SEPTIN3: variants seen among roughly 807,000 people sequenced by gnomAD.
The protein encoded by SEPTIN3 is neuronal-specific septin-3.
In SEPTIN3, 15 loss-of-function variants were observed where a neutral mutation model predicts 45.1. The observed-to-expected ratio is 0.33, with a 90% CI of 0.22 to 0.51. The LOEUF (loss-of-function observed/expected upper bound fraction) is 0.51, where lower values mean the gene tolerates loss of function less well. Ranked by LOEUF, SEPTIN3 falls within the 20% of genes least tolerant of loss-of-function variation. The pLI, the probability that SEPTIN3 is intolerant of heterozygous loss-of-function variation, is 0.97. For missense variants in SEPTIN3, 289 were observed against 457.2 expected, an observed-to-expected ratio of 0.63 and a Z score of 3.35; for synonymous variants, 148 against 164.8, an observed-to-expected ratio of 0.90 and a Z score of 0.78.
intron 11 of SEPTIN3, chr22:41,996,679 A>AC (rs2078445391): frequency 2.1e-6 from 3 of 1,404,614 alleles, no homozygotes; most frequent in Non-Finnish European, 2.8e-6. Flanking sequence ...ATACATTTCA[A>AC]CAGAACAGGG....
intron 1 of SEPTIN3, among the ~76,000 whole-genome samples, 172 bp downstream of exon 1, chr22:41,969,849 G>A (rs1006224659): frequency 6.6e-6 from 1 of 152,056 alleles, no homozygotes; most frequent in Non-Finnish European, 1.5e-5. Flanking sequence ...GTGTGTGGGT[G>A]TGCACACTGA....
intron 3 of SEPTIN3, 85 bp from the exon 4 acceptor site, chr22:41,985,899 T>C: frequency 6.8e-7 from 1 of 1,470,902 alleles, no homozygotes; most frequent in Non-Finnish European, 9.1e-7. Flanking sequence ...ATCATGGCTC[T>C]AGAATTCTGT....
At position 41,974,860 on chromosome 22, in the gene SEPTIN3, G is replaced by GAA. The variant is rs55642127; in HGVS notation, c.1504+1891_1504+1892dup. Among the ~76,000 whole-genome samples the GAA allele has an allele frequency of 7.8e-4, 58 of 74,288 alleles. 4 individuals carry two copies. The East Asian group carries it at 9.9e-3, about 13-fold the overall frequency. The allele number at this position is 74,288 out of a possible 152,430, so 48.7% of individuals were successfully genotyped here. ...ACAGAGCGAGACTCTGTCTCAAAAA[G>GAA]AAAAAAAAAAAAAAAAAAAAAAAAA... On this transcript the variant is annotated intron_variant, in intron 2 of 11. Transcript: ENST00000644076.
intron 6 of SEPTIN3, 131 bp from the exon 7 acceptor site, chr22:41,989,436 G>T: frequency 4.4e-6 from 3 of 679,256 alleles, no homozygotes; most frequent in Non-Finnish European, 5.5e-6. Context: ...GAGACGAGAG[G>T]TAGCAGCCTC....
In SEPTIN3 at chr22:41,972,617, C is replaced by T. The variant is rs986547526; in HGVS notation, c.1125C>T (p.Thr375=). The T allele has an allele frequency of 3.0e-5, 12 of 399,026 alleles. No homozygotes were observed. The highest frequency in any genetic ancestry group is 2.3e-4 in the African/African-American group (11 of 48,640). 24.7% of individuals were successfully genotyped at this position (399,026 alleles called of 1,614,324 possible). The change falls in exon 2 of 12, where the codon ACC becomes ACT. Residue 375 remains threonine, a synonymous_variant. Coordinates refer to ENST00000644076, the MANE Select transcript of SEPTIN3 (RefSeq NM_001363845.2). ...GAAGCACAGCCAAACCAGATATGAC[C>T]ACAGAGGGTATAGCCATGGATTCAG... ...ATRSTAKPDM[T]TEGIAMDSAT... is the part of the protein sequence containing the mutation.
chr22:41,987,387 A>C, intron 5 of SEPTIN3, 100 bp downstream of exon 5: 1 of 1,211,732 alleles, frequency 8.3e-7, no homozygotes, highest in Non-Finnish European at 1.2e-6. Flanking sequence ...TGCACCCTCC[A>C]TGCTCTGTAG....
chr22:41,988,828 C>T (rs1188521824), intron 6 of SEPTIN3, among the ~76,000 whole-genome samples: 1 of 152,064 alleles, frequency 6.6e-6, no homozygotes, highest in Non-Finnish European at 1.5e-5. Flanking sequence ...GTCTGATAGG[C>T]AGAACAAGAT....
intron 9 of SEPTIN3, among the ~76,000 whole-genome samples, chr22:41,993,101 A>T (rs2078347522): frequency 6.6e-6 from 1 of 152,184 alleles, no homozygotes; most frequent in Admixed American, 6.5e-5. Flanking sequence ...AGGTGTTGCC[A>T]TTTCCATTTT....
chr22:41,987,616 C>G lies in SEPTIN3; in HGVS notation c.1908-6C>G. On this transcript the variant is annotated splice_polypyrimidine_tract_variant and splice_region_variant and intron_variant, in intron 5 of 11. Transcript: ENST00000644076. ...GATGCATCTATCTACTTTCCCTCCC[C>G]ATCAGCTGGGAGCCCATTGAGAAGT... 1 of 1,605,620 alleles carries G rather than the reference C, an allele frequency of 6.2e-7. No homozygotes were observed. Among genetic ancestry groups the G allele is most frequent in the Non-Finnish European group, 8.5e-7 (1 of 1,173,070 alleles).
At chr22:41,987,150 T>C in intron 4 of SEPTIN3, 56 bp from the exon 5 acceptor site, 1 of 1,432,636 alleles carries the variant, frequency 7.0e-7, no homozygotes, top group East Asian at 2.3e-5. Context: ...GGCTGCCAGG[T>C]ACCTGGGGTC....
chr22:41,972,846 C>T lies in SEPTIN3; in HGVS notation c.1354C>T (p.Leu452=), dbSNP rs1202671575. 2 of 399,092 alleles carry T rather than the reference C, an allele frequency of 5.0e-6. No individual in the cohort carries two copies. The highest frequency in any genetic ancestry group is 3.6e-5 in the East Asian group (1 of 28,094). 24.7% of individuals were successfully genotyped at this position (399,092 alleles called of 1,614,324 possible). The change falls in exon 2 of 12, where the codon CTG becomes TTG. Residue 452 remains leucine, a synonymous_variant. Transcript: ENST00000644076. ...AGACCCAGCCACTGGGAAGACCACA[C>T]TGGGCAGTGTTAATAACCTAACCAT... ...TPDPATGKTT[L]GSVNNLTISD...
At position 41,987,476 on chromosome 22, in the gene SEPTIN3, G is replaced by T. The variant is rs911975030; in HGVS notation, c.1908-146G>T. ...CATCCAGGAAAGCCATCGGTGCGGG[G>T]GCTGAGGGGGAATCTGGCAGCAGGT... On this transcript the variant is annotated intron_variant, in intron 5 of 11. Transcript: ENST00000644076. 20 of 1,165,658 alleles carry T rather than the reference G, an allele frequency of 1.7e-5. No individual in the cohort carries two copies. In the Admixed American group the frequency reaches 4.4e-4, roughly 26 times the overall value. The allele number at this position is 1,165,658 out of a possible 1,614,324, so 72.2% of individuals were successfully genotyped here.
intron 8 of SEPTIN3, among the ~76,000 whole-genome samples, chr22:41,992,194 C>T (rs762115463): frequency 1.3e-5 from 2 of 152,130 alleles, no homozygotes; most frequent in Non-Finnish European, 2.9e-5. Context: ...GCCTGGGCAA[C>T]ATGGCAAAAA....
At chr22:41,991,293 C>T (rs1237270829) in intron 7 of SEPTIN3, among the ~76,000 whole-genome samples, 1 of 152,052 alleles carries the variant, frequency 6.6e-6, no homozygotes, top group Non-Finnish European at 1.5e-5. Context: ...ATCCCAGTCT[C>T]GCGGACCCTG....
At position 41,994,905 on chromosome 22, in the gene SEPTIN3, G is replaced by A. The variant is rs1209410158; in HGVS notation, c.2505+191G>A. 1 of 1,483,148 alleles carries A rather than the reference G, an allele frequency of 6.7e-7. No homozygotes were observed. Among genetic ancestry groups the A allele is most frequent in the Non-Finnish European group, 8.9e-7 (1 of 1,121,066 alleles). The allele number at this position is 1,483,148 out of a possible 1,614,324, so 91.9% of individuals were successfully genotyped here. On this transcript the variant is annotated intron_variant, in intron 11 of 11. Coordinates refer to ENST00000644076, the MANE Select transcript of SEPTIN3 (RefSeq NM_001363845.2). This position sits in a 1 kb window ranked among gnomAD's most constrained non-coding sequence, Gnocchi z 4.2. ...TGTCTGTGTGTGTGTGTGTGTGTGTGTGTGTGTGTGTGTGTGTGACAGAGA... is the reference window on the plus strand; with the variant it reads ...TGTCTGTGTGTGTGTGTGTGTGTGTATGTGTGTGTGTGTGTGTGACAGAGA...
Position 41,994,994 on chromosome 22 carries a change from A to G in SEPTIN3, c.2505+280A>G, listed in dbSNP as rs1225704429. On this transcript the variant is annotated intron_variant, in intron 11 of 11. Transcript: ENST00000644076. The surrounding 1 kb of genome is among the most constrained non-coding windows in gnomAD (Gnocchi z 4.2). ...GGTATTTTCACTGCCCTCCCTGGAG[A>G]GTCCCTTGTAAGTTTGGCTCCTCCA... The G allele has an allele frequency of 7.6e-7, 1 of 1,320,250 alleles. No homozygotes were observed. Among genetic ancestry groups the G allele is most frequent in the Admixed American group, 3.1e-5 (1 of 32,146 alleles). The allele number at this position is 1,320,250 out of a possible 1,614,324, so 81.8% of individuals were successfully genotyped here. A position where few individuals can be genotyped will look rare whatever the true frequency, so the allele number is the denominator to read the frequency against.
At position 41,981,675 on chromosome 22, in the gene SEPTIN3, T is replaced by A; in HGVS notation, c.1535T>A (p.Met512Lys). The change falls in exon 3 of 12, where the codon ATG becomes AAG. Residue 512 changes from methionine (M) to lysine (K), a missense_variant. Met to Lys is a moderately conservative substitution (Grantham distance 95). This residue lies in a region of SEPTIN3 where 200 missense variants were observed against 315.1 expected (regional missense o/e 0.63). Coordinates refer to ENST00000644076, the MANE Select transcript of SEPTIN3 (RefSeq NM_001363845.2). ...GLPETRTDAA[M>K]SELVPEPRPK... ...CCAGAGACCAGGACGGACGCAGCCATGTCAGAGCTGGTGCCTGAGCCCAGG... is the reference window on the plus strand; with the variant it reads ...CCAGAGACCAGGACGGACGCAGCCAAGTCAGAGCTGGTGCCTGAGCCCAGG... 1 of 1,613,726 alleles carries A rather than the reference T, an allele frequency of 6.2e-7. No homozygotes were observed. Among genetic ancestry groups the A allele is most frequent in the Non-Finnish European group, 8.5e-7 (1 of 1,179,986 alleles).
At chr22:41,986,190 T>G (rs2078204992) in intron 4 of SEPTIN3, 78 bp downstream of exon 4, 2 of 1,549,282 alleles carry the variant, frequency 1.3e-6, no homozygotes, top group Admixed American at 3.7e-5. Flanking sequence ...TGGGGCTTAT[T>G]GAAGAATAAG....
chr22:41,994,607 CCT>C lies in SEPTIN3; in HGVS notation c.2412-13_2412-12del, dbSNP rs756047802. On this transcript the variant is annotated splice_polypyrimidine_tract_variant and intron_variant, in intron 10 of 11. Transcript: ENST00000644076. This position sits in a 1 kb window ranked among gnomAD's most constrained non-coding sequence, Gnocchi z 4.2. ...CTAATTGCAGCCCTCTTCTTCTCAC[CCT>C]GTGTCCTCTAGGACCCACCTCCAGG... is the stretch of plus-strand genomic sequence containing the variant. The C allele has an allele frequency of 1.2e-6, 2 of 1,614,014 alleles. No homozygotes were observed. Among genetic ancestry groups the C allele is most frequent in the South Asian group, 2.2e-5 (2 of 91,072 alleles).
Sources: allele counts gnomAD v4.1 joint callset (sites outside exome capture counted in the v4.1 genomes callset), GRCh38; gene constraint gnomAD v4.1.1; regional missense constraint gnomAD v4.1.1; non-coding constraint Gnocchi (gnomAD v3.1); transcripts MANE v1.5; gene names NCBI Gene and HGNC (gene_info 2026-07-23, HGNC 2026-07-21).